Variants in FSHR observed in about 807,000 individuals in gnomAD.
The protein encoded by FSHR is follicle-stimulating hormone receptor.
A neutral mutation model predicts 52.1 loss-of-function variants in FSHR; 46 were observed. The observed-to-expected ratio is 0.88, with a 90% confidence interval of 0.70 to 1.13. FSHR has a LOEUF of 1.13. FSHR is among the 50% of genes most tolerant of loss of function. The pLI is 0.00. For missense variants in FSHR, 964 were observed against 834.6 expected (o/e 1.16, Z -1.91); for synonymous variants, 399 against 309.6 (o/e 1.29, Z -3.03).
At chr2:49,061,753 T>TATATAACTCTATATA (rs200761493) in intron 2 of FSHR, among the ~76,000 whole-genome samples, 14 of 124,700 alleles carry the variant, frequency 1.1e-4, no homozygotes, top group Admixed American at 3.5e-4. Flanking sequence ...TATATAACTA[T>TATATAACTCTATATA]TTATATATAA....
At chr2:49,072,954 T>G (rs1395255582) in intron 1 of FSHR, among the ~76,000 whole-genome samples, 1 of 152,148 alleles carries the variant, frequency 6.6e-6, no homozygotes, top group Non-Finnish European at 1.5e-5. Flanking sequence ...ATGACCTTGT[T>G]GATCTAGTTC....
At chr2:49,083,027 C>A (rs1670237165) in intron 1 of FSHR, among the ~76,000 whole-genome samples, 1 of 150,766 alleles carries the variant, frequency 6.6e-6, no homozygotes, top group African/African-American at 2.4e-5. Flanking sequence ...AAGAGCAACT[C>A]CAAGATACAT....
intron 1 of FSHR, among the ~76,000 whole-genome samples, chr2:49,092,339 G>C (rs1404539909): frequency 1.3e-5 from 2 of 152,114 alleles, no homozygotes; most frequent in African/African-American, 4.8e-5. Flanking sequence ...TTGTTCCTGT[G>C]TTTCCAATCT....
At chr2:49,118,538 C>A (rs1177603391) in intron 1 of FSHR, among the ~76,000 whole-genome samples, 1 of 152,100 alleles carries the variant, frequency 6.6e-6, no homozygotes, top group Non-Finnish European at 1.5e-5. Context: ...ATAGAAAATT[C>A]CAGGCAGCAG....
At chr2:49,011,594 A>C (rs1427440287) in intron 4 of FSHR, among the ~76,000 whole-genome samples, 2 of 152,012 alleles carry the variant, frequency 1.3e-5, no homozygotes, top group Non-Finnish European at 2.9e-5. Flanking sequence ...TGAATTTTCT[A>C]AATGTCGATC....
chr2:49,084,639 G>A (rs186410021), intron 1 of FSHR, among the ~76,000 whole-genome samples: 14 of 152,204 alleles, frequency 9.2e-5, no homozygotes, highest in South Asian at 4.2e-4. Context: ...TTCAGTAGAC[G>A]CAATAAAAAA....
chr2:49,113,547 A>G (rs993431781), intron 1 of FSHR, among the ~76,000 whole-genome samples: 1 of 152,178 alleles, frequency 6.6e-6, no homozygotes, highest in Admixed American at 6.6e-5. Flanking sequence ...ATAAAAAACC[A>G]TTCAAATCTT....
chr2:49,094,749 T>A (rs1239833764), intron 1 of FSHR, among the ~76,000 whole-genome samples: 1 of 151,922 alleles, frequency 6.6e-6, no homozygotes, highest in African/African-American at 2.4e-5. Context: ...ACTTAAACTT[T>A]AAGAAATTAG....
At chr2:49,085,675 T>TG (rs1670355499) in intron 1 of FSHR, among the ~76,000 whole-genome samples, 2 of 152,144 alleles carry the variant, frequency 1.3e-5, no homozygotes, top group South Asian at 2.1e-4. Context: ...GTATGTTTAT[T>TG]GGGGCACTAT....
chr2:48,992,179 C>T (rs373500262), intron 4 of FSHR, among the ~76,000 whole-genome samples: 54 of 151,932 alleles, frequency 3.6e-4, no homozygotes, highest in Non-Finnish European at 5.9e-4. Context: ...GTTGTTAATG[C>T]GCTAAAAAAT....
intron 4 of FSHR, among the ~76,000 whole-genome samples, chr2:49,016,279 A>G (rs377494607): frequency 4.6e-5 from 7 of 152,214 alleles, no homozygotes; most frequent in African/African-American, 1.4e-4. Context: ...TCAATTCTGT[A>G]TCCTTCCCTA....
intron 1 of FSHR, among the ~76,000 whole-genome samples, chr2:49,076,783 G>A (rs1008169854): frequency 6.6e-6 from 1 of 152,186 alleles, no homozygotes; most frequent in East Asian, 1.9e-4. Context: ...ATGAGAGAAA[G>A]TGGCCAAAAC....
chr2:48,985,711 T>C (rs930422899), intron 6 of FSHR, among the ~76,000 whole-genome samples: 1 of 137,862 alleles, frequency 7.3e-6, no homozygotes, highest in Non-Finnish European at 1.6e-5. Context: ...TTTTTTTTTT[T>C]TTTTTTTTTT....
At chr2:49,117,686 C>G (rs1671654581) in intron 1 of FSHR, among the ~76,000 whole-genome samples, 1 of 152,180 alleles carries the variant, frequency 6.6e-6, no homozygotes, top group Admixed American at 6.5e-5. Context: ...TTAAGTATAG[C>G]AGGACCAAGG....
chr2:49,124,409 C>A (rs1235864658), intron 1 of FSHR, among the ~76,000 whole-genome samples: 1 of 152,038 alleles, frequency 6.6e-6, no homozygotes, highest in Non-Finnish European at 1.5e-5. Flanking sequence ...CATTCATATC[C>A]AAATCACAAT....
chr2:48,987,262 G>C (rs1006568803), intron 6 of FSHR, among the ~76,000 whole-genome samples: 1 of 151,926 alleles, frequency 6.6e-6, no homozygotes, highest in African/African-American at 2.4e-5. Flanking sequence ...GGAGTGCAGT[G>C]GTGCAATCTT....
chr2:49,056,845 A>C (rs1669084995), intron 2 of FSHR, among the ~76,000 whole-genome samples: 1 of 152,166 alleles, frequency 6.6e-6, no homozygotes, highest in African/African-American at 2.4e-5. Context: ...ATAAACCTAG[A>C]AATCAATAAC....
chr2:49,124,381 A>G (rs865889888), intron 1 of FSHR, among the ~76,000 whole-genome samples: 1 of 152,224 alleles, frequency 6.6e-6, no homozygotes, highest in Middle Eastern at 3.4e-3. Flanking sequence ...TCAGAAAACA[A>G]AAATATAATT....
chr2:49,038,700 T>C (rs373479183), intron 2 of FSHR, among the ~76,000 whole-genome samples: 21 of 149,872 alleles, frequency 1.4e-4, no homozygotes, highest in African/African-American at 5.1e-4. Context: ...AAACACAAGA[T>C]ACAACTAAAA....
Sources: gnomAD v4.1 joint callset for allele counts (sites outside exome capture counted in the v4.1 genomes callset) on GRCh38, gnomAD v4.1.1 for gene constraint, MANE v1.5 for transcripts, NCBI Gene and HGNC (gene_info 2026-07-23, HGNC 2026-07-21) for gene names.